RTEL1: variants seen among roughly 807,000 people sequenced by gnomAD.
RTEL1 encodes regulator of telomere elongation helicase 1, also known as regulator of telomere length.
Under a neutral mutation model 162.2 loss-of-function variants are expected in RTEL1, and 86 were observed. The ratio of observed to expected loss-of-function variants is 0.53; its 90% CI spans 0.45 to 0.63. The LOEUF (loss-of-function observed/expected upper bound fraction) is 0.63, where lower values mean the gene tolerates loss of function less well. RTEL1 is among the 30% of genes least tolerant of loss of function. RTEL1 has a pLI of 0.00. For missense variants in RTEL1, 1,941 were observed against 1,750.2 expected (o/e 1.11, Z -1.95); for synonymous variants, 958 against 717.9 (o/e 1.33, Z -5.35).
At position 63,695,641 on chromosome 20, in the gene RTEL1, G is replaced by A. The variant is rs2145481166; in HGVS notation, c.3813G>A (p.Arg1271=). The A allele has an allele frequency of 3.7e-6, 6 of 1,611,190 alleles. No individual in the cohort carries two copies. The highest frequency in any genetic ancestry group is 4.2e-6 in the Non-Finnish European group (5 of 1,179,850). Reference sequence around the variant, plus strand: ...AGCGCTGCCAAGCCTGCTGGCAACGGCACCTTCAGGTTGGTGCCTGGCCAC... The same window carrying A: ...AGCGCTGCCAAGCCTGCTGGCAACGACACCTTCAGGTTGGTGCCTGGCCAC... ...DFQRCQACWQ[R]HLQASRMCPA... is the part of the protein sequence containing the mutation. The change falls in exon 34 of 35, where the codon CGG becomes CGA. Residue 1271 remains arginine, a synonymous_variant. Transcript: ENST00000360203.
Position 63,680,659 on chromosome 20 carries a change from T to C in RTEL1, c.1136-5T>C. 3.1e-6 allele frequency: 5 copies of C among 1,612,986 alleles called. No homozygotes were observed. Among genetic ancestry groups the C allele is most frequent in the Non-Finnish European group, 4.2e-6 (5 of 1,179,904 alleles). ...TGTGGGTGTCAGCGCCCTGCTGCCC[T>C]CCAGGTGCTGGAGTGTTCACCAACA... On this transcript the variant is annotated splice_region_variant and splice_polypyrimidine_tract_variant and intron_variant, in intron 13 of 34. Coordinates refer to ENST00000360203, the MANE Select transcript of RTEL1 (RefSeq NM_001283009.2).
In RTEL1 at chr20:63,662,584, G is replaced by A; in HGVS notation, c.434G>A (p.Cys145Tyr). ...VCVLGSREQL[C>Y]IHPEVKKQES... ...GTGCTGGGCTCCCGGGAGCAGCTGT[G>A]CATCCATCCTGAGGTGAAGAAACAA... The change falls in exon 5 of 35, where the codon TGC becomes TAC. Residue 145 changes from cysteine (C) to tyrosine (Y), a missense_variant. Coordinates refer to ENST00000360203, the MANE Select transcript of RTEL1 (RefSeq NM_001283009.2). 6.2e-7 allele frequency: 1 copy of A among 1,614,092 alleles called. No individual in the cohort carries two copies. The highest frequency in any genetic ancestry group is 1.1e-5 in the South Asian group (1 of 91,086).
chr20:63,693,488 C>G (rs891618781), intron 30 of RTEL1, among the ~76,000 whole-genome samples: 1 of 109,240 alleles, frequency 9.2e-6, no homozygotes, highest in Non-Finnish European at 1.9e-5. Context: ...CCTCCACCAC[C>G]ACCTCCACCT....
At chr20:63,678,565 G>A (rs1319181849) in intron 12 of RTEL1, among the ~76,000 whole-genome samples, 8 of 149,208 alleles carry the variant, frequency 5.4e-5, no homozygotes, top group South Asian at 2.1e-4. Flanking sequence ...AGCCCCCCAC[G>A]GAACGGCACA....
chr20:63,679,154 G>A (rs1480352935), intron 12 of RTEL1, among the ~76,000 whole-genome samples: 1 of 152,208 alleles, frequency 6.6e-6, no homozygotes, highest in African/African-American at 2.4e-5. Context: ...AGCAGGGTTT[G>A]CTGTCTGTCC....
chr20:63,694,536 C>G (rs534777083), intron 31 of RTEL1, 48 bp downstream of exon 31: 14 of 1,457,994 alleles, frequency 9.6e-6, no homozygotes, highest in Non-Finnish European at 1.3e-5. Context: ...GTGGGTCCCT[C>G]AGTGGCTTCA....
Position 63,688,314 on chromosome 20 carries a change from C to A in RTEL1, c.1650C>A (p.Arg550=). The change falls in exon 20 of 35, where the codon CGC becomes CGA. Residue 550 remains arginine, a synonymous_variant. Transcript: ENST00000360203. The part of the protein sequence containing the change: ...SLGKALGNIA[R]VVPYGLLIFF... ...CTGCACTTCCAGGCAACATCGCCCG[C>A]GTGGTGCCCTATGGGCTCCTGATCT... is the stretch of plus-strand genomic sequence containing the variant. The A allele has an allele frequency of 6.2e-7, 1 of 1,612,468 alleles. No individual in the cohort carries two copies. Among genetic ancestry groups the A allele is most frequent in the East Asian group, 2.2e-5 (1 of 44,888 alleles).
At chr20:63,691,154 G>A (rs1290474462) in intron 27 of RTEL1, among the ~76,000 whole-genome samples, 1 of 152,082 alleles carries the variant, frequency 6.6e-6, no homozygotes. Flanking sequence ...TGGCTCCCAG[G>A]TGGTGCATGC....
At position 63,687,961 on chromosome 20, in the gene RTEL1, C is replaced by T. The variant is rs749132537; in HGVS notation, c.1506C>T (p.Asn502=). 10 of 1,612,564 alleles carry T rather than the reference C, an allele frequency of 6.2e-6. No individual in the cohort carries two copies. The Admixed American group carries it at 1.7e-4, about 27-fold the overall frequency. Residue 502 remains asparagine (N), a synonymous_variant, in exon 18 of 35, where the codon AAC becomes AAT. Coordinates refer to ENST00000360203, the MANE Select transcript of RTEL1 (RefSeq NM_001283009.2). ...MQIPFPVCLE[N]PHIIDKHQIW... is the part of the protein sequence containing the mutation. Reference sequence around the variant, plus strand: ...GCCCTTTCCCAGTCTGCCTGGAGAACCCACACATCATCGACAAGCACCAGA... The same window carrying T: ...GCCCTTTCCCAGTCTGCCTGGAGAATCCACACATCATCGACAAGCACCAGA...
Position 63,665,987 on chromosome 20 carries a change from C to T in RTEL1, c.539-17C>T. 1.2e-6 allele frequency: 2 copies of T among 1,612,932 alleles called. No individual in the cohort carries two copies. Among genetic ancestry groups the T allele is most frequent in the Non-Finnish European group, 8.5e-7 (1 of 1,179,060 alleles). The stretch of plus-strand genomic sequence containing the variant: ...GGACCCTGAGGGTGTGTGTTTACCC[C>T]TGCCTCACACCTGCAGAAAAAAGCC... On this transcript the variant is annotated splice_polypyrimidine_tract_variant and intron_variant, in intron 6 of 34. Transcript: ENST00000360203.
chr20:63,690,735 C>T (rs1290324838), intron 26 of RTEL1, 70 bp from the exon 27 acceptor site: 2 of 1,497,408 alleles, frequency 1.3e-6, no homozygotes, highest in African/African-American at 1.4e-5. Context: ...CCAAGAGGGG[C>T]TTTGCCACAG....
intron 14 of RTEL1, chr20:63,680,969 G>A (rs1359688357): frequency 3.8e-5 from 37 of 985,262 alleles, no homozygotes; most frequent in Non-Finnish European, 4.3e-5. Flanking sequence ...GGACGCAAAG[G>A]ACAGTGGGGG....
At chr20:63,693,332 T>G in intron 30 of RTEL1, 49 bp downstream of exon 30, 1 of 1,605,682 alleles carries the variant, frequency 6.2e-7, no homozygotes, top group South Asian at 1.1e-5. Flanking sequence ...TGGAAGGCAG[T>G]GTGGGCCAGA....
intron 10 of RTEL1, among the ~76,000 whole-genome samples, chr20:63,677,478 G>A (rs1019288961): frequency 3.9e-5 from 6 of 152,170 alleles, no homozygotes; most frequent in Admixed American, 3.9e-4. Flanking sequence ...AGCCGGGCAT[G>A]GTGGCGCACA....
At chr20:63,690,510 C>A in intron 26 of RTEL1, 69 bp downstream of exon 26, 1 of 1,401,162 alleles carries the variant, frequency 7.1e-7, no homozygotes, top group Non-Finnish European at 9.5e-7. Context: ...CGGGCAGCAC[C>A]AGGCGCCCAG....
Position 63,687,698 on chromosome 20 carries a change from A to G in RTEL1, c.1409A>G (p.Gln470Arg). 6.2e-7 allele frequency: 1 copy of G among 1,606,702 alleles called. No individual in the cohort carries two copies. Among genetic ancestry groups the G allele is most frequent in the Non-Finnish European group, 8.5e-7 (1 of 1,178,240 alleles). ...PGHSMHELVR[Q>R]GVRSLILTSG... is the part of the protein sequence containing the mutation. ...CACAGCATGCACGAGCTGGTCCGCC[A>G]GGGCGTCCGCTCCCTCATCCTTACC... The change falls in exon 17 of 35, where the codon CAG (glutamine) becomes CGG (arginine). Residue 470 changes from glutamine to arginine, a missense_variant. Gln to Arg is a conservative substitution (Grantham distance 43, BLOSUM62 1). Transcript: ENST00000360203.
At chr20:63,672,710 C>T in intron 9 of RTEL1, 89 bp downstream of exon 9, 1 of 1,124,458 alleles carries the variant, frequency 8.9e-7, no homozygotes. Context: ...GGGCTCTGGC[C>T]AAACTCCTGA....
chr20:63,681,544 GT>G, intron 14 of RTEL1: 1 of 985,306 alleles, frequency 1.0e-6, no homozygotes, highest in Non-Finnish European at 1.2e-6. Flanking sequence ...CATCTGGCCT[GT>G]GGGGTGCTTG....
chr20:63,694,973 C>T lies in RTEL1; in HGVS notation c.3342C>T (p.His1114=), dbSNP rs779506307. Reference sequence around the variant, plus strand: ...AGCCAGAGGACTTCCCCCTGCTGCACAGCAAGTGGCCCTGGCGTGGGGAAC... The same window carrying T: ...AGCCAGAGGACTTCCCCCTGCTGCATAGCAAGTGGCCCTGGCGTGGGGAAC... ...TAKPEDFPLL[H]RFSMFVRPHH... The change falls in exon 32 of 35, where the codon CAC becomes CAT. Residue 1114 remains histidine (H), a splice_region_variant and synonymous_variant. Transcript: ENST00000360203. The T allele has an allele frequency of 3.1e-6, 5 of 1,612,296 alleles. No individual in the cohort carries two copies. The highest frequency in any genetic ancestry group is 2.2e-5 in the East Asian group (1 of 44,876).
Sources: allele counts gnomAD v4.1 joint callset (sites outside exome capture counted in the v4.1 genomes callset), GRCh38; gene constraint gnomAD v4.1.1; transcripts MANE v1.5; gene names NCBI Gene and HGNC (gene_info 2026-07-23, HGNC 2026-07-21).